PDK1: variants seen among roughly 807,000 people sequenced by gnomAD.
PDK1 encodes pyruvate dehydrogenase kinase 1.
Under a neutral mutation model 54.2 loss-of-function variants are expected in PDK1, and 39 were observed. The ratio of observed to expected loss-of-function variants is 0.72; its 90% CI spans 0.56 to 0.94. The LOEUF is 0.94. Ranked by LOEUF, PDK1 falls within the 40% of genes least tolerant of loss-of-function variation. The pLI, the probability that PDK1 is intolerant of heterozygous loss-of-function variation, is 0.00. For missense variants in PDK1, 552 were observed against 566.0 expected (o/e 0.98, Z 0.25); for synonymous variants, 221 against 207.1 (o/e 1.07, Z -0.58).
rs1691298136 is a variant in PDK1, at chr2:172,606,478, G to T, written c.*10509G>T. The stretch of plus-strand genomic sequence containing the variant: ...CTCTTTTGCTGCTAGGAGGCAGACA[G>T]TAACTTCGGTAATTAGAAACATCTG... On this transcript the variant is annotated 3_prime_UTR_variant, in exon 11 of 11. Transcript: ENST00000282077. 6.6e-6 allele frequency: 1 copy of T among 152,204 alleles called. No individual in the cohort carries two copies. Among genetic ancestry groups the T allele is most frequent in the African/African-American group, 2.4e-5 (1 of 41,456 alleles). 9.4% of individuals were successfully genotyped at this position (152,204 alleles called of 1,614,324 possible).
chr2:172,695,821 A>G, the PDK1 span, among the ~76,000 whole-genome samples: 2 of 152,072 alleles, frequency 1.3e-5, no homozygotes, highest in Non-Finnish European at 2.9e-5. Context: ...AGGCAGCAAA[A>G]AGCTAGGGCC....
chr2:172,556,593 G>C (rs1255701244), intron 1 of PDK1: 6 of 362,646 alleles, frequency 1.7e-5, no homozygotes, highest in Non-Finnish European at 1.5e-5. Flanking sequence ...GCTGGGCCGC[G>C]GGACGACCTC....
At chr2:172,573,312 T>C (rs1689384677) in intron 8 of PDK1, among the ~76,000 whole-genome samples, 1 of 152,048 alleles carries the variant, frequency 6.6e-6, no homozygotes, top group South Asian at 2.1e-4. Flanking sequence ...CTCAGTGTGG[T>C]TTTTATTTGC....
the PDK1 span, among the ~76,000 whole-genome samples, chr2:172,658,196 A>T: frequency 6.6e-6 from 1 of 152,268 alleles, no homozygotes; most frequent in South Asian, 2.1e-4. Context: ...TCAACATGAG[A>T]TTTGGTGAAA....
At chr2:172,719,039 G>A in the PDK1 span, among the ~76,000 whole-genome samples, 1 of 152,080 alleles carries the variant, frequency 6.6e-6, no homozygotes, top group South Asian at 2.1e-4. Context: ...TTATAATCTG[G>A]CCTTTTCTAG....
chr2:172,645,292 A>C, the PDK1 span, among the ~76,000 whole-genome samples: 2 of 27,392 alleles, frequency 7.3e-5, no homozygotes, highest in African/African-American at 9.9e-5. Flanking sequence ...TTTTTTTGAG[A>C]TAGAGTCTCA....
intron 9 of PDK1, among the ~76,000 whole-genome samples, chr2:172,588,782 T>C (rs1162577182): frequency 6.6e-6 from 1 of 152,186 alleles, no homozygotes; most frequent in South Asian, 2.1e-4. Context: ...GATACCTTCT[T>C]GTGGGTCTTT....
intron 10 of PDK1, among the ~76,000 whole-genome samples, chr2:172,594,882 G>T (rs1365800451): frequency 6.6e-6 from 1 of 152,096 alleles, no homozygotes; most frequent in Non-Finnish European, 1.5e-5. Context: ...AAATACAATG[G>T]AGAATTACTG....
chr2:172,571,564 T>C (rs1239696117), intron 8 of PDK1, among the ~76,000 whole-genome samples: 1 of 152,062 alleles, frequency 6.6e-6, no homozygotes, highest in Non-Finnish European at 1.5e-5. Flanking sequence ...AGAGACTAGG[T>C]CTCACTTTGT....
rs1233376530 is a variant in PDK1 at position 172,600,735 on chromosome 2, A to T, written c.*4766A>T. ...GGATATCTTATCCTCCTAGGGTCCG[A>T]GGACGCTTTAGTTGGGACCAGGTGT... On this transcript the variant is annotated 3_prime_UTR_variant, in exon 11 of 11. Transcript: ENST00000282077. 1 of 152,286 alleles carries T rather than the reference A, an allele frequency of 6.6e-6. No homozygotes were observed. The highest frequency in any genetic ancestry group is 1.5e-5 in the Non-Finnish European group (1 of 68,094). 9.4% of individuals were successfully genotyped at this position (152,286 alleles called of 1,614,324 possible).
At chr2:172,567,700 C>CAAGT (rs1689031076) in intron 6 of PDK1, among the ~76,000 whole-genome samples, 1 of 152,188 alleles carries the variant, frequency 6.6e-6, no homozygotes, top group African/African-American at 2.4e-5. Flanking sequence ...TCACAGTGTA[C>CAAGT]AAGTAAGTGA....
chr2:172,702,745 A>T, the PDK1 span, among the ~76,000 whole-genome samples: 756 of 152,032 alleles, frequency 5.0e-3, 5 homozygotes, highest in African/African-American at 0.017. Flanking sequence ...ACAGATTTTT[A>T]AAAAAATTGT....
chr2:172,633,219 A>ATT, the PDK1 span, among the ~76,000 whole-genome samples: 1,682 of 91,158 alleles, frequency 0.018, 30 homozygotes, highest in African/African-American at 0.057. Context: ...ATTAAAAAAA[A>ATT]TTTTTTTTTT....
downstream of PDK1, chr2:172,608,672 A>G (rs1574558241): frequency 6.6e-6 from 1 of 152,088 alleles, no homozygotes; most frequent in East Asian, 1.9e-4. Context: ...CTCCTGCATC[A>G]TATGTCACTC....
In PDK1 at chr2:172,584,348, T is replaced by G. The variant is rs1039315647; in HGVS notation, c.946-1930T>G. 3.3e-5 allele frequency among the ~76,000 whole-genome samples: 5 copies of G among 151,732 alleles called. No individual in the cohort carries two copies. The South Asian group carries it at 1.0e-3, about 31-fold the overall frequency. On this transcript the variant is annotated intron_variant, in intron 8 of 10. Coordinates refer to ENST00000282077, the MANE Select transcript of PDK1 (RefSeq NM_002610.5). ...TTTTTATAATAGAATTTTTGCAGAGTATTATAAATGCTTCTTTGTAACTGT... is the reference window on the plus strand; with the variant it reads ...TTTTTATAATAGAATTTTTGCAGAGGATTATAAATGCTTCTTTGTAACTGT...
At chr2:172,661,521 A>G in the PDK1 span, among the ~76,000 whole-genome samples, 1 of 152,160 alleles carries the variant, frequency 6.6e-6, no homozygotes, top group Non-Finnish European at 1.5e-5. Flanking sequence ...CTGCGGTTGG[A>G]GTTTTTACAT....
At chr2:172,575,576 C>G (rs1435332389) in intron 8 of PDK1, among the ~76,000 whole-genome samples, 3 of 152,174 alleles carry the variant, frequency 2.0e-5, no homozygotes, top group African/African-American at 7.2e-5. Context: ...AATCTCAGCA[C>G]TTTGGGAAGC....
chr2:172,714,332 A>G, the PDK1 span, among the ~76,000 whole-genome samples: 3,381 of 152,254 alleles, frequency 0.022, 124 homozygotes, highest in African/African-American at 0.077. Context: ...AAAATATATG[A>G]ACAACCTCTC....
At chr2:172,564,715 G>A (rs778999209) in intron 4 of PDK1, 28 bp downstream of exon 4, 2 of 1,548,536 alleles carry the variant, frequency 1.3e-6, no homozygotes, top group African/African-American at 2.7e-5. Context: ...GTCAAGAGAA[G>A]AAGCTAAATG....
Sources: allele counts gnomAD v4.1 joint callset (sites outside exome capture counted in the v4.1 genomes callset), GRCh38; gene constraint gnomAD v4.1.1; transcripts MANE v1.5; gene names NCBI Gene and HGNC (gene_info 2026-07-23, HGNC 2026-07-21).